Variants in TMEM161B observed in about 807,000 individuals in gnomAD.
TMEM161B encodes the protein transmembrane protein 161B.
Under a neutral mutation model 61.8 loss-of-function variants are expected in TMEM161B, and 34 were observed. The ratio of observed to expected loss-of-function variants is 0.55; its 90% CI spans 0.42 to 0.73. TMEM161B has a LOEUF of 0.73. Among genes scored for constraint, TMEM161B ranks in the 30% least tolerant of loss-of-function variants. The pLI, the probability that TMEM161B is intolerant of heterozygous loss-of-function variation, is 0.00. For synonymous variants in TMEM161B, 167 were observed against 192.8 expected, an observed-to-expected ratio of 0.87 and a Z score of 1.11; for missense variants, 456 against 558.5, an observed-to-expected ratio of 0.82 and a Z score of 1.85.
chr5:88,231,514 C>T (rs1750982416), intron 2 of TMEM161B, among the ~76,000 whole-genome samples: 1 of 152,174 alleles, frequency 6.6e-6, no homozygotes, highest in Admixed American at 6.5e-5. Flanking sequence ...GGCTTTCTTG[C>T]TTTTTGTATA....
At chr5:88,261,164 A>G (rs1281317574) in intron 1 of TMEM161B, among the ~76,000 whole-genome samples, 1 of 152,168 alleles carries the variant, frequency 6.6e-6, no homozygotes, top group South Asian at 2.1e-4. Flanking sequence ...TAAAAATACT[A>G]TTTACATTAG....
rs1258989261 is a variant in TMEM161B, at chr5:88,196,114, A to G, written c.*97T>C. ...CATTCTGATATGTTTTTTTTTTCCC[A>G]TTGTATTTGCTTTCTTCTGGTTTTC... On this transcript the variant is annotated 3_prime_UTR_variant, in exon 12 of 12. Coordinates refer to ENST00000296595, the MANE Select transcript of TMEM161B (RefSeq NM_153354.5). 4.8e-6 allele frequency: 7 copies of G among 1,470,066 alleles called. No individual in the cohort carries two copies. In the South Asian group the frequency reaches 1.0e-4, roughly 22 times the overall value. 91.1% of individuals were successfully genotyped at this position (1,470,066 alleles called of 1,614,324 possible). A position where few individuals can be genotyped will look rare whatever the true frequency, so the allele number is the denominator to read the frequency against.
intron 8 of TMEM161B, among the ~76,000 whole-genome samples, chr5:88,204,702 C>T (rs1438419863): frequency 2.7e-5 from 4 of 149,500 alleles, no homozygotes; most frequent in Admixed American, 6.7e-5. Flanking sequence ...ATTAGGGAGA[C>T]GGGTGGTGGG....
intron 4 of TMEM161B, among the ~76,000 whole-genome samples, chr5:88,224,957 A>G (rs1749712176): frequency 7.8e-6 from 1 of 128,836 alleles, no homozygotes; most frequent in Non-Finnish European, 1.6e-5. Context: ...CACACAAAAT[A>G]TGTTTTTGTT....
At chr5:88,190,119 G>C (rs532285239), downstream of TMEM161B, 1 of 700,906 alleles carries the variant, frequency 1.4e-6, no homozygotes, top group South Asian at 1.5e-5. Context: ...CACCCACCCA[G>C]AGAAGGTACA....
chr5:88,205,847 T>C lies in TMEM161B; in HGVS notation c.767A>G (p.Asp256Gly). Reference protein sequence around the residue: ...PGLRLAQMHLDALNLATEKIT... With the variant: ...PGLRLAQMHLGALNLATEKIT... ...TTTTTCTGTTGCCAAATTCAGGGCA[T>C]CCAGATGCATTTGAGCCAGTCGTAA... Residue 256 changes from aspartate (D) to glycine (G), a missense_variant, in exon 8 of 12, where the codon GAT (aspartate) becomes GGT (glycine). Asp to Gly is a moderately conservative substitution (Grantham distance 94, BLOSUM62 -1). Coordinates refer to ENST00000296595, the MANE Select transcript of TMEM161B (RefSeq NM_153354.5). 4 of 1,612,910 alleles carry C rather than the reference T, an allele frequency of 2.5e-6. No homozygotes were observed. The highest frequency in any genetic ancestry group is 3.4e-6 in the Non-Finnish European group (4 of 1,179,384).
At position 88,195,994 on chromosome 5, in the gene TMEM161B, A is replaced by T. The variant is rs1213622027; in HGVS notation, c.*217T>A. On this transcript the variant is annotated 3_prime_UTR_variant, in exon 12 of 12. Coordinates refer to ENST00000296595, the MANE Select transcript of TMEM161B (RefSeq NM_153354.5). Reference sequence around the variant, plus strand: ...GTAAATACAAAGAGTTAAAATTCCAATGCCACAGTGTAACAGTTAACAATC... The same window carrying T: ...GTAAATACAAAGAGTTAAAATTCCATTGCCACAGTGTAACAGTTAACAATC... The T allele has an allele frequency of 2.3e-6, 3 of 1,302,720 alleles. No individual in the cohort carries two copies. Among genetic ancestry groups the T allele is most frequent in the African/African-American group, 1.5e-5 (1 of 65,324 alleles). The allele number at this position is 1,302,720 out of a possible 1,614,324, so 80.7% of individuals were successfully genotyped here.
intron 1 of TMEM161B, among the ~76,000 whole-genome samples, chr5:88,266,045 T>A (rs956097474): frequency 6.6e-6 from 1 of 152,250 alleles, no homozygotes; most frequent in African/African-American, 2.4e-5. Context: ...AAATTTCCTA[T>A]AGACTTGTCT....
intron 1 of TMEM161B, among the ~76,000 whole-genome samples, chr5:88,267,323 C>T (rs765961404): frequency 1.3e-5 from 2 of 151,806 alleles, no homozygotes; most frequent in Non-Finnish European, 2.9e-5. Context: ...TTTCTTAATA[C>T]AAACCATATT....
At chr5:88,231,951 A>T (rs1002578267) in intron 2 of TMEM161B, among the ~76,000 whole-genome samples, 2 of 152,168 alleles carry the variant, frequency 1.3e-5, no homozygotes, top group Admixed American at 6.5e-5. Context: ...AGCATAACTC[A>T]TCCCTGAGCA....
At chr5:88,203,570 C>T (rs1300695299) in intron 8 of TMEM161B, among the ~76,000 whole-genome samples, 1 of 151,518 alleles carries the variant, frequency 6.6e-6, no homozygotes, top group African/African-American at 2.4e-5. Flanking sequence ...TTAGCCAGGT[C>T]CATATTACTA....
chr5:88,201,335 T>A (rs1744368516), intron 9 of TMEM161B: 1 of 152,052 alleles, frequency 6.6e-6, no homozygotes, highest in African/African-American at 2.4e-5. Context: ...TGAAGTTTAA[T>A]CAGACTGGAA....
chr5:88,203,024 C>T lies in TMEM161B; in HGVS notation c.852G>A (p.Trp284Ter). The stretch of plus-strand genomic sequence containing the variant: ...TGTAGTCTTTGGTGATTGGTTTTAC[C>T]CAGAGCAGAACCATAAATAAAGGTG... ...FLAPLFMVLL[W>*]VKPITKDYIM... Residue 284 changes from tryptophan to a stop codon, truncating the protein, a stop_gained, in exon 9 of 12, where the codon TGG becomes TGA. Coordinates refer to ENST00000296595, the MANE Select transcript of TMEM161B (RefSeq NM_153354.5). LOFTEE classifies it high-confidence loss of function. 1 of 1,611,486 alleles carries T rather than the reference C, an allele frequency of 6.2e-7. No homozygotes were observed. The highest frequency in any genetic ancestry group is 8.5e-7 in the Non-Finnish European group (1 of 1,178,144).
At chr5:88,207,217 T>G (rs764398104) in intron 5 of TMEM161B, 37 bp from the exon 6 acceptor site, 2 of 1,578,424 alleles carry the variant, frequency 1.3e-6, no homozygotes, top group East Asian at 4.5e-5. Context: ...CCACAATAAA[T>G]TTATAGGAGC....
Position 88,238,342 on chromosome 5 carries a change from C to CA in TMEM161B, c.107+2470dup, listed in dbSNP as rs936135752. ...ATTGACACCAAAAGAGAAGCCATAA[C>CA]AAAAAAAAAAGAACATTTATTTACA... is the stretch of plus-strand genomic sequence containing the variant. On this transcript the variant is annotated intron_variant, in intron 2 of 11. Transcript: ENST00000296595. 5.5e-3 allele frequency among the ~76,000 whole-genome samples: 765 copies of CA among 140,034 alleles called. 3 individuals carry two copies. Among genetic ancestry groups the CA allele is most frequent in the Admixed American group, 8.1e-3 (114 of 14,082 alleles). The allele number at this position is 140,034 out of a possible 152,430, so 91.9% of individuals were successfully genotyped here. A position where few individuals can be genotyped will look rare whatever the true frequency, so the allele number is the denominator to read the frequency against.
chr5:88,186,579 T>A (rs561714266), downstream of TMEM161B, among the ~76,000 whole-genome samples: 30 of 152,272 alleles, frequency 2.0e-4, no homozygotes, highest in African/African-American at 7.0e-4. Flanking sequence ...CATGTCTATT[T>A]CCTTTTTTTG....
At chr5:88,236,364 T>C (rs931821392) in intron 2 of TMEM161B, among the ~76,000 whole-genome samples, 2 of 151,968 alleles carry the variant, frequency 1.3e-5, no homozygotes, top group Non-Finnish European at 2.9e-5. Flanking sequence ...AAAAGCAGTA[T>C]CCTACTCCTC....
At chr5:88,255,529 T>G (rs570817944) in intron 1 of TMEM161B, among the ~76,000 whole-genome samples, 1 of 152,326 alleles carries the variant, frequency 6.6e-6, no homozygotes, top group East Asian at 1.9e-4. Flanking sequence ...AATACTTAAT[T>G]GTCTTGACCT....
intron 2 of TMEM161B, among the ~76,000 whole-genome samples, chr5:88,230,009 C>G (rs1750716174): frequency 6.6e-6 from 1 of 151,902 alleles, no homozygotes; most frequent in Non-Finnish European, 1.5e-5. Context: ...CTGGGCAACA[C>G]AGTGAGACCG....
Sources: gnomAD v4.1 joint callset for allele counts (sites outside exome capture counted in the v4.1 genomes callset) on GRCh38, gnomAD v4.1.1 for gene constraint, MANE v1.5 for transcripts, NCBI Gene and HGNC (gene_info 2026-07-23, HGNC 2026-07-21) for gene names.